The following PRKCA variants were observed in gnomAD, a reference collection of about 807,000 sequenced individuals.
PRKCA encodes protein kinase C alpha type.
A neutral mutation model predicts 87.0 loss-of-function variants in PRKCA; 27 were observed. The observed-to-expected ratio is 0.31, with a 90% confidence interval of 0.23 to 0.43. The LOEUF (loss-of-function observed/expected upper bound fraction) is 0.43, where lower values mean the gene tolerates loss of function less well. Among genes scored for constraint, PRKCA ranks in the 20% least tolerant of loss-of-function variants. The pLI, the probability that PRKCA is intolerant of heterozygous loss-of-function variation, is 1.00. For synonymous variants in PRKCA, 329 were observed against 311.1 expected, an observed-to-expected ratio of 1.06 and a Z score of -0.61; for missense variants, 518 against 852.3, an observed-to-expected ratio of 0.61 and a Z score of 4.88.
At chr17:66,679,273 C>G (rs55937536) in intron 5 of PRKCA, among the ~76,000 whole-genome samples, 1,864 of 150,724 alleles carry the variant, frequency 0.012, 45 homozygotes, top group African/African-American at 0.043. Flanking sequence ...CTCTGCCGCC[C>G]GGGTTCACGC....
intron 16 of PRKCA, chr17:66,796,737 TAAAAG>T: frequency 1.0e-6 from 1 of 985,348 alleles, no homozygotes; most frequent in Non-Finnish European, 1.2e-6. Context: ...TTATTTAACT[TAAAAG>T]AAGACGCTGT....
intron 8 of PRKCA, among the ~76,000 whole-genome samples, chr17:66,706,632 T>C (rs557205286): frequency 2.7e-4 from 38 of 142,874 alleles, no homozygotes; most frequent in Middle Eastern, 3.5e-3. Flanking sequence ...AGTAAGGCTC[T>C]GTCTCAAAAA....
intron 2 of PRKCA, among the ~76,000 whole-genome samples, chr17:66,411,220 C>T (rs1911780849): frequency 6.7e-6 from 1 of 149,250 alleles, no homozygotes; most frequent in Non-Finnish European, 1.5e-5. Flanking sequence ...TATAGTTGTG[C>T]CCCTGTAGCA....
chr17:66,726,180 T>C (rs1432850904), intron 8 of PRKCA, among the ~76,000 whole-genome samples: 2 of 151,302 alleles, frequency 1.3e-5, no homozygotes, highest in Non-Finnish European at 2.9e-5. Context: ...GCTCAGGTGT[T>C]CGCAGGTGTG....
At chr17:66,670,941 A>G (rs1342095340) in intron 5 of PRKCA, among the ~76,000 whole-genome samples, 2 of 151,892 alleles carry the variant, frequency 1.3e-5, no homozygotes, top group Non-Finnish European at 2.9e-5. Flanking sequence ...GCTGGGTGCA[A>G]TGCCTCATGC....
chr17:66,426,395 G>A (rs1315017043), intron 2 of PRKCA, among the ~76,000 whole-genome samples: 4 of 152,290 alleles, frequency 2.6e-5, no homozygotes, highest in Middle Eastern at 3.4e-3. Context: ...AGGTTAGGCA[G>A]CCTGTGTTGT....
chr17:66,704,399 T>C (rs927397617), intron 8 of PRKCA, among the ~76,000 whole-genome samples: 6 of 152,244 alleles, frequency 3.9e-5, no homozygotes, highest in African/African-American at 1.2e-4. Context: ...TAGTTATCTG[T>C]ACATACATAT....
rs150185630 is a variant in PRKCA, at chr17:66,318,104, T to C, written c.205+11977T>C. ...TTGCCTAACAATACTTCTGAAGTTT[T>C]CTTTTTAGTGAACTTAATTTTATCA... On this transcript the variant is annotated intron_variant, in intron 2 of 16. Transcript: ENST00000413366. Among the ~76,000 whole-genome samples the C allele has an allele frequency of 5.7e-3, 864 of 152,374 alleles. 9 individuals are homozygous for C. Among genetic ancestry groups the C allele is most frequent in the African/African-American group, 0.02 (833 of 41,594 alleles).
intron 2 of PRKCA, among the ~76,000 whole-genome samples, chr17:66,414,178 A>G (rs538472957): frequency 6.6e-6 from 1 of 152,228 alleles, no homozygotes; most frequent in South Asian, 2.1e-4. Flanking sequence ...TCTCATAGGA[A>G]TTGTGATCCC....
chr17:66,561,565 A>G (rs1428202284), intron 3 of PRKCA, among the ~76,000 whole-genome samples: 3 of 152,244 alleles, frequency 2.0e-5, no homozygotes, highest in African/African-American at 4.8e-5. Context: ...ACTTCTGGAT[A>G]TAGACCCAGA....
chr17:66,335,286 G>A (rs1906590207), intron 2 of PRKCA, among the ~76,000 whole-genome samples: 1 of 151,938 alleles, frequency 6.6e-6, no homozygotes, highest in African/African-American at 2.4e-5. Flanking sequence ...GCACCACCAT[G>A]CCTGGCTAAT....
At chr17:66,545,319 C>T (rs1187274198) in intron 3 of PRKCA, among the ~76,000 whole-genome samples, 1 of 152,174 alleles carries the variant, frequency 6.6e-6, no homozygotes, top group African/African-American at 2.4e-5. Flanking sequence ...GTCCCAGCTA[C>T]TCAGGAGGCT....
intron 5 of PRKCA, among the ~76,000 whole-genome samples, chr17:66,685,232 C>G (rs1208111174): frequency 1.3e-5 from 2 of 152,038 alleles, no homozygotes; most frequent in Non-Finnish European, 2.9e-5. Flanking sequence ...TTTGATTCTC[C>G]CAACAATTCT....
At chr17:66,322,037 T>C (rs1598589763) in intron 2 of PRKCA, among the ~76,000 whole-genome samples, 1 of 152,206 alleles carries the variant, frequency 6.6e-6, no homozygotes, top group African/African-American at 2.4e-5. Context: ...TTTAAACTTT[T>C]AGTTGCTTTG....
chr17:66,724,252 C>T (rs531096496), intron 8 of PRKCA, among the ~76,000 whole-genome samples: 6 of 151,050 alleles, frequency 4.0e-5, no homozygotes, highest in Non-Finnish European at 7.4e-5. Context: ...GCCAAGATCG[C>T]GCCACTGTAC....
chr17:66,352,558 GTTTTTTTTTTTT>G (rs56317931), intron 2 of PRKCA, among the ~76,000 whole-genome samples: 1 of 83,758 alleles, frequency 1.2e-5, no homozygotes, highest in Admixed American at 1.9e-4. Flanking sequence ...GTTTTTTGAG[GTTTTTTTTTTTT>G]TTTTTTTTTT....
rs1845283743 is a variant in PRKCA at position 66,792,188 on chromosome 17, G to T, written c.1854+3209G>T. Among the ~76,000 whole-genome samples the T allele has an allele frequency of 1.3e-5, 2 of 152,160 alleles. No homozygotes were observed. Among genetic ancestry groups the T allele is most frequent in the Admixed American group, 1.3e-4 (2 of 15,274 alleles). On this transcript the variant is annotated intron_variant, in intron 16 of 16. Coordinates refer to ENST00000413366, the MANE Select transcript of PRKCA (RefSeq NM_002737.3). The surrounding 1 kb of genome is among the most constrained non-coding windows in gnomAD (Gnocchi z 4.5). ...TGGTGAGTCAGTTTCCCTGAGACTT[G>T]CAGGCTTAAGGACAGGTAGCTGTTC...
At chr17:66,346,840 G>A (rs756872447) in intron 2 of PRKCA, among the ~76,000 whole-genome samples, 9 of 151,930 alleles carry the variant, frequency 5.9e-5, no homozygotes, top group Non-Finnish European at 1.0e-4. Flanking sequence ...ACCAGCCCTG[G>A]CCAACATGGT....
At chr17:66,361,096 T>A (rs1405319970) in intron 2 of PRKCA, among the ~76,000 whole-genome samples, 5 of 152,098 alleles carry the variant, frequency 3.3e-5, no homozygotes, top group Non-Finnish European at 7.4e-5. Context: ...CGGCCTTGGT[T>A]GCTGCTGAGC....
Sources: allele counts gnomAD v4.1 joint callset (sites outside exome capture counted in the v4.1 genomes callset), GRCh38; gene constraint gnomAD v4.1.1; non-coding constraint Gnocchi (gnomAD v3.1); transcripts MANE v1.5; gene names NCBI Gene and HGNC (gene_info 2026-07-23, HGNC 2026-07-21).